Variants in NAALADL2 observed in about 807,000 individuals in gnomAD.
NAALADL2 encodes the protein N-acetylated alpha-linked acidic dipeptidase like 2.
A neutral mutation model predicts 87.2 loss-of-function variants in NAALADL2; 76 were observed. The ratio of observed to expected loss-of-function variants is 0.87; its 90% CI spans 0.72 to 1.05. NAALADL2 has a LOEUF of 1.05. NAALADL2 is among the 50% of genes least tolerant of loss of function. The pLI, the probability that NAALADL2 is intolerant of heterozygous loss-of-function variation, is 0.00. For synonymous variants in NAALADL2, 354 were observed against 331.0 expected, an observed-to-expected ratio of 1.07 and a Z score of -0.75; for missense variants, 1,089 against 945.8, an observed-to-expected ratio of 1.15 and a Z score of -1.99.
chr3:174,535,588 T>C (rs1721648464), intron 1 of NAALADL2, among the ~76,000 whole-genome samples: 1 of 152,162 alleles, frequency 6.6e-6, no homozygotes, highest in Non-Finnish European at 1.5e-5. Flanking sequence ...CCCCAACTTT[T>C]ATTTTATCCT....
Position 174,477,202 on chromosome 3 carries a change from C to T in NAALADL2, c.-184+36170C>T, listed in dbSNP as rs533124737. On this transcript the variant is annotated intron_variant, in intron 1 of 3. Transcript: ENST00000434257. ...AATCTTGAATTTATGAAATAGTTTT[C>T]CTTGTGACCATTTTGTCCTATAACT... 3.5e-3 allele frequency among the ~76,000 whole-genome samples: 526 copies of T among 152,120 alleles called. 1 individual carries two copies. The highest frequency in any genetic ancestry group is 0.012 in the African/African-American group (508 of 41,516).
chr3:175,012,579 A>T (rs775874044), intron 1 of NAALADL2, among the ~76,000 whole-genome samples: 2 of 152,158 alleles, frequency 1.3e-5, no homozygotes, highest in African/African-American at 4.8e-5. Context: ...TACGGACATT[A>T]TATTTTTATC....
At chr3:174,883,574 A>G (rs1729695064) in intron 1 of NAALADL2, among the ~76,000 whole-genome samples, 2 of 152,170 alleles carry the variant, frequency 1.3e-5, no homozygotes, top group South Asian at 2.1e-4. Flanking sequence ...AAATGAAGAT[A>G]TTTTCTTAGT....
At chr3:175,505,120 C>A (rs554249043) in intron 9 of NAALADL2, among the ~76,000 whole-genome samples, 45 of 152,006 alleles carry the variant, frequency 3.0e-4, no homozygotes, top group Non-Finnish European at 5.7e-4. Flanking sequence ...CTGAGACTAC[C>A]ATCTGTGAGA....
At chr3:174,812,162 G>A (rs556747865) in intron 3 of NAALADL2, among the ~76,000 whole-genome samples, 36 of 151,986 alleles carry the variant, frequency 2.4e-4, no homozygotes, top group Non-Finnish European at 3.4e-4. Context: ...TAATAGCAGC[G>A]TGAGAATGGA....
At chr3:174,743,545 A>G (rs1414705296) in intron 3 of NAALADL2, among the ~76,000 whole-genome samples, 4 of 151,806 alleles carry the variant, frequency 2.6e-5, no homozygotes, top group African/African-American at 9.7e-5. Flanking sequence ...TTAACCTCAA[A>G]CAACTCAGAT....
intron 4 of NAALADL2, among the ~76,000 whole-genome samples, chr3:175,268,151 G>C (rs62285943): frequency 0.13 from 19,634 of 152,100 alleles, 1,523 homozygotes; most frequent in Non-Finnish European, 0.18. Context: ...GTATCATGGA[G>C]TGTACTTAGA....
At chr3:174,773,293 C>T (rs1010503005) in intron 3 of NAALADL2, among the ~76,000 whole-genome samples, 23 of 152,142 alleles carry the variant, frequency 1.5e-4, no homozygotes, top group African/African-American at 5.5e-4. Flanking sequence ...AAACTTTTCT[C>T]TTTCCTGTTG....
intron 1 of NAALADL2, among the ~76,000 whole-genome samples, chr3:174,490,738 G>A (rs1718134840): frequency 6.6e-6 from 1 of 151,998 alleles, no homozygotes; most frequent in African/African-American, 2.4e-5. Context: ...GGTGGGAAGA[G>A]CCTTTCTATT....
intron 1 of NAALADL2, among the ~76,000 whole-genome samples, chr3:174,454,021 A>G (rs979572555): frequency 3.9e-5 from 6 of 152,168 alleles, no homozygotes; most frequent in African/African-American, 1.2e-4. Context: ...CTCAAATGCA[A>G]TGACACCCAC....
intron 2 of NAALADL2, among the ~76,000 whole-genome samples, chr3:174,731,788 G>A (rs1732726840): frequency 6.6e-6 from 1 of 152,092 alleles, no homozygotes. Flanking sequence ...GACCCACTGG[G>A]TTATGTAACA....
intron 10 of NAALADL2, among the ~76,000 whole-genome samples, chr3:175,613,223 CTT>C (rs1240719959): frequency 9.9e-5 from 15 of 152,192 alleles, no homozygotes; most frequent in Admixed American, 3.9e-4. Flanking sequence ...CATTTAATGA[CTT>C]AACGTTATGG....
At chr3:175,546,543 T>C (rs1332647460) in intron 9 of NAALADL2, among the ~76,000 whole-genome samples, 4 of 152,168 alleles carry the variant, frequency 2.6e-5, no homozygotes, top group Non-Finnish European at 5.9e-5. Flanking sequence ...TTTCCATTTT[T>C]AGTGCTTCCC....
intron 2 of NAALADL2, among the ~76,000 whole-genome samples, chr3:175,104,691 T>G (rs1722797352): frequency 6.6e-6 from 1 of 152,176 alleles, no homozygotes; most frequent in African/African-American, 2.4e-5. Context: ...TGTAAATGCA[T>G]GCACATAATT....
At chr3:174,605,752 A>C (rs568685169) in intron 2 of NAALADL2, among the ~76,000 whole-genome samples, 2 of 152,180 alleles carry the variant, frequency 1.3e-5, no homozygotes, top group Non-Finnish European at 2.9e-5. Flanking sequence ...CAGACAAAAA[A>C]AAAAGGACAG....
intron 2 of NAALADL2, among the ~76,000 whole-genome samples, chr3:175,144,881 G>A (rs944503179): frequency 4.0e-5 from 6 of 151,700 alleles, no homozygotes; most frequent in South Asian, 2.1e-4. Context: ...ACAAGATTAC[G>A]GCATTTCAAA....
intron 13 of NAALADL2, chr3:175,775,210 TA>T (rs1750066190): frequency 6.6e-6 from 1 of 151,222 alleles, no homozygotes; most frequent in African/African-American, 2.4e-5. Flanking sequence ...AAAGGAAAAG[TA>T]AATATGGGAG....
chr3:174,806,133 C>T (rs1719447734), intron 3 of NAALADL2, among the ~76,000 whole-genome samples: 1 of 152,138 alleles, frequency 6.6e-6, no homozygotes, highest in Non-Finnish European at 1.5e-5. Context: ...AATCTTTTGT[C>T]CCTGGTTGGG....
chr3:174,512,497 T>G (rs1719664678), intron 1 of NAALADL2, among the ~76,000 whole-genome samples: 2 of 152,200 alleles, frequency 1.3e-5, no homozygotes, highest in Non-Finnish European at 2.9e-5. Flanking sequence ...CTCTACAATT[T>G]TCCAGTGATT....
Sources: gnomAD v4.1 joint callset for allele counts (sites outside exome capture counted in the v4.1 genomes callset) on GRCh38, gnomAD v4.1.1 for gene constraint, MANE v1.5 for transcripts, NCBI Gene and HGNC (gene_info 2026-07-23, HGNC 2026-07-21) for gene names.